Variants in NTM observed in about 807,000 individuals in gnomAD.
NTM encodes the protein IgLON family member 2.
Under a neutral mutation model 42.1 loss-of-function variants are expected in NTM, and 13 were observed. The observed-to-expected ratio is 0.31, with a 90% CI of 0.20 to 0.49. NTM has a LOEUF of 0.49. Among genes scored for constraint, NTM ranks in the 20% least tolerant of loss-of-function variants. The pLI is 0.99. For synonymous variants in NTM, 187 were observed against 179.2 expected (o/e 1.04, Z -0.35); for missense variants, 373 against 452.8 (o/e 0.82, Z 1.60).
rs11222801 is a variant in NTM, at chr11:131,810,686, T to C, written c.83-100878T>C. Among the ~76,000 whole-genome samples the C allele has an allele frequency of 5.9e-5, 9 of 152,346 alleles. No homozygotes were observed. The East Asian group carries it at 1.7e-3, about 29-fold the overall frequency. On this transcript the variant is annotated intron_variant, in intron 1 of 8. Transcript: ENST00000683400. ...TGAACATGATCCAGGCTGCTTCCCCTGGTCAGCAGATGGTTTGGTCACTGT... is the reference window on the plus strand; with the variant it reads ...TGAACATGATCCAGGCTGCTTCCCCCGGTCAGCAGATGGTTTGGTCACTGT...
chr11:131,764,597 A>G (rs748154438), intron 1 of NTM, among the ~76,000 whole-genome samples: 9 of 152,108 alleles, frequency 5.9e-5, no homozygotes, highest in Admixed American at 1.3e-4. Flanking sequence ...GTGGACTACA[A>G]TTTTCTGATA....
At chr11:131,508,770 T>C (rs2136438082) in intron 1 of NTM, among the ~76,000 whole-genome samples, 1 of 141,210 alleles carries the variant, frequency 7.1e-6, no homozygotes. Flanking sequence ...TCATTCTCAG[T>C]AAACTATCGC....
chr11:131,937,819 A>G (rs2059384405), intron 2 of NTM, among the ~76,000 whole-genome samples: 1 of 152,192 alleles, frequency 6.6e-6, no homozygotes, highest in Non-Finnish European at 1.5e-5. Flanking sequence ...GTATGGATTA[A>G]TGTTATTTTG....
At chr11:131,766,134 C>T (rs935872809) in intron 1 of NTM, among the ~76,000 whole-genome samples, 2 of 152,198 alleles carry the variant, frequency 1.3e-5, no homozygotes, top group African/African-American at 2.4e-5. Context: ...TCACACAGCT[C>T]AGACGGCAGC....
intron 1 of NTM, among the ~76,000 whole-genome samples, chr11:131,843,078 A>G (rs1354618127): frequency 6.6e-6 from 1 of 152,158 alleles, no homozygotes. Flanking sequence ...TATTCCAAAC[A>G]TATAGGAAAA....
chr11:131,740,363 TCA>T (rs2081032106), intron 1 of NTM, among the ~76,000 whole-genome samples: 1 of 152,174 alleles, frequency 6.6e-6, no homozygotes, highest in South Asian at 2.1e-4. Flanking sequence ...AAATGAATAC[TCA>T]CAATGAACGC....
chr11:131,481,772 A>G (rs1340463206), intron 1 of NTM, among the ~76,000 whole-genome samples: 2 of 152,204 alleles, frequency 1.3e-5, no homozygotes, highest in Admixed American at 1.3e-4. Context: ...TGCTTTTGAA[A>G]TGTAGCCACA....
intron 2 of NTM, among the ~76,000 whole-genome samples, chr11:132,104,128 T>G (rs1402757748): frequency 2.0e-5 from 3 of 152,146 alleles, no homozygotes; most frequent in Admixed American, 6.5e-5. Flanking sequence ...TCCTGGCACC[T>G]AGGATGTGTT....
At chr11:131,607,343 T>A (rs2061058030) in intron 1 of NTM, among the ~76,000 whole-genome samples, 1 of 152,172 alleles carries the variant, frequency 6.6e-6, no homozygotes, top group Non-Finnish European at 1.5e-5. Flanking sequence ...GCGGTTATAG[T>A]CCTCCCTGTG....
chr11:131,443,480 A>AAGTAGTGAGTACATG (rs1240879202), intron 1 of NTM, among the ~76,000 whole-genome samples: 6 of 152,316 alleles, frequency 3.9e-5, no homozygotes, highest in Admixed American at 2.6e-4. Context: ...CCTGTCCTGC[A>AAGTAGTGAGTACATG]AGTAGTGAGT....
At chr11:131,689,541 C>A (rs370610504) in intron 1 of NTM, among the ~76,000 whole-genome samples, 2 of 152,356 alleles carry the variant, frequency 1.3e-5, no homozygotes, top group South Asian at 4.1e-4. Context: ...AGTTTCCCCA[C>A]AGATGTTGCT....
At chr11:131,702,638 T>C (rs967122935) in intron 1 of NTM, among the ~76,000 whole-genome samples, 3 of 152,182 alleles carry the variant, frequency 2.0e-5, no homozygotes, top group Admixed American at 1.3e-4. Flanking sequence ...AATAGGAAGA[T>C]TAAATACTAT....
At chr11:132,313,257 C>T (rs1040873363) in intron 6 of NTM, among the ~76,000 whole-genome samples, 7 of 152,054 alleles carry the variant, frequency 4.6e-5, no homozygotes, top group African/African-American at 7.3e-5. Flanking sequence ...TTGTGCGGTC[C>T]GCAAAGCATT....
At chr11:132,051,627 C>G (rs959701117) in intron 2 of NTM, among the ~76,000 whole-genome samples, 2 of 152,196 alleles carry the variant, frequency 1.3e-5, no homozygotes, top group African/African-American at 4.8e-5. Context: ...GTCAGGCTGA[C>G]AAGCTGCTGG....
chr11:131,706,736 ATGTGT>A (rs2076628288), intron 1 of NTM, among the ~76,000 whole-genome samples: 1 of 152,070 alleles, frequency 6.6e-6, no homozygotes, highest in Non-Finnish European at 1.5e-5. Flanking sequence ...TGAACAATTA[ATGTGT>A]CAAGGAAGAA....
At chr11:131,652,978 G>A (rs929568307) in intron 1 of NTM, among the ~76,000 whole-genome samples, 3 of 152,138 alleles carry the variant, frequency 2.0e-5, no homozygotes, top group Non-Finnish European at 4.4e-5. Flanking sequence ...CTTATTACCA[G>A]TCTCCAAAAC....
intron 2 of NTM, among the ~76,000 whole-genome samples, chr11:132,106,275 C>T (rs116987287): frequency 0.022 from 3,418 of 152,292 alleles, 85 homozygotes; most frequent in Middle Eastern, 0.037. Context: ...CCTCTCTTCC[C>T]GCCCTCTCTT....
chr11:131,690,172 C>A (rs2074475432), intron 1 of NTM, among the ~76,000 whole-genome samples: 1 of 152,146 alleles, frequency 6.6e-6, no homozygotes, highest in Non-Finnish European at 1.5e-5. Context: ...GGCCTGGAAT[C>A]CAGATGAGAG....
chr11:131,967,456 A>C (rs2062980386), intron 2 of NTM, among the ~76,000 whole-genome samples: 1 of 152,116 alleles, frequency 6.6e-6, no homozygotes. Flanking sequence ...GACCACGCTG[A>C]GGTCATGTGT....
Sources: gnomAD v4.1 joint callset for allele counts (sites outside exome capture counted in the v4.1 genomes callset) on GRCh38, gnomAD v4.1.1 for gene constraint, MANE v1.5 for transcripts, NCBI Gene and HGNC (gene_info 2026-07-23, HGNC 2026-07-21) for gene names.